The following DCAF8L2 variants were observed in gnomAD, a reference collection of about 807,000 sequenced individuals.
The protein encoded by DCAF8L2 is DDB1 and CUL4 associated factor 8 like 2, also known as DDB1- and CUL4-associated factor 8-like protein 2.
For missense variants in DCAF8L2, 430 were observed against 490.7 expected, an observed-to-expected ratio of 0.88 and a Z score of 1.17; for synonymous variants, 200 against 190.9, an observed-to-expected ratio of 1.05 and a Z score of -0.39.
At chrX:27,639,085 T>G (rs751523634) in intron 2 of DCAF8L2, among the ~76,000 whole-genome samples, 1 of 112,441 alleles carries the variant, frequency 8.9e-6, no homozygotes, top group South Asian at 3.7e-4. Flanking sequence ...TAATTACATA[T>G]GTACAATGGG....
the DCAF8L2 span, among the ~76,000 whole-genome samples, chrX:27,517,267 C>T: frequency 9.0e-6 from 1 of 111,551 alleles, no homozygotes; most frequent in African/African-American, 3.3e-5. Context: ...TCATTTTAAA[C>T]ACTGCCTGAT....
rs1434725173 is a variant in DCAF8L2 at position 27,749,110 on chromosome X, T to C, written c.*319T>C. ...ATAGTTGACCTCTAAATTTTCTGAA[T>C]TTTGCTGAAAGAATTAATACCCTTA... On this transcript the variant is annotated 3_prime_UTR_variant, in exon 5 of 5. Coordinates refer to ENST00000451261, the MANE Select transcript of DCAF8L2 (RefSeq NM_001353450.2). 9.0e-6 allele frequency among the ~76,000 whole-genome samples: 1 copy of C among 111,622 alleles called. No homozygotes were observed. Among genetic ancestry groups the C allele is most frequent in the African/African-American group, 3.3e-5 (1 of 30,706 alleles).
the DCAF8L2 span, among the ~76,000 whole-genome samples, chrX:27,574,389 A>G: frequency 1.5e-3 from 165 of 111,684 alleles, no homozygotes; most frequent in African/African-American, 4.9e-3. Flanking sequence ...TGTGTTTTAT[A>G]CAGTTTGCAA....
chrX:27,512,421 T>A, the DCAF8L2 span, among the ~76,000 whole-genome samples: 1 of 110,951 alleles, frequency 9.0e-6, no homozygotes, highest in East Asian at 2.8e-4. Flanking sequence ...TGACAGCTCA[T>A]GCCTGTAATC....
At chrX:27,477,943 A>G in the DCAF8L2 span, among the ~76,000 whole-genome samples, 18 of 111,442 alleles carry the variant, frequency 1.6e-4, no homozygotes, top group South Asian at 6.4e-3. Context: ...TTAGCTCATC[A>G]AGTAGGGATA....
chrX:27,622,230 C>T (rs956003024), intron 1 of DCAF8L2, among the ~76,000 whole-genome samples: 12 of 106,854 alleles, frequency 1.1e-4, no homozygotes, highest in African/African-American at 3.9e-4. Flanking sequence ...CGAGACCATC[C>T]TGGCTAACAC....
At chrX:27,573,847 TTC>T in the DCAF8L2 span, among the ~76,000 whole-genome samples, 6 of 107,722 alleles carry the variant, frequency 5.6e-5, no homozygotes, top group Non-Finnish European at 7.7e-5. Flanking sequence ...ATGCACTTCT[TTC>T]TCTCTCTCTC....
chrX:27,662,698 T>C (rs1360055807), intron 2 of DCAF8L2, among the ~76,000 whole-genome samples: 1 of 111,646 alleles, frequency 9.0e-6, no homozygotes, highest in African/African-American at 3.3e-5. Context: ...GAACTATTGT[T>C]TCAAAATAAA....
At chrX:27,538,894 C>T in the DCAF8L2 span, among the ~76,000 whole-genome samples, 5 of 112,417 alleles carry the variant, frequency 4.4e-5, no homozygotes, top group Non-Finnish European at 9.4e-5. Flanking sequence ...TTACATTTCA[C>T]ATTTTACTGG....
the DCAF8L2 span, among the ~76,000 whole-genome samples, chrX:27,496,484 C>T: frequency 5.4e-5 from 6 of 111,579 alleles, no homozygotes; most frequent in South Asian, 7.5e-4. Context: ...AATTCTTATA[C>T]AGGGAATTCA....
intron 4 of DCAF8L2, among the ~76,000 whole-genome samples, chrX:27,726,958 G>T (rs1473448958): frequency 9.0e-6 from 1 of 111,627 alleles, no homozygotes; most frequent in Non-Finnish European, 1.9e-5. Context: ...CAGGGGATCT[G>T]CATATCTGCA....
At chrX:27,550,371 T>C in the DCAF8L2 span, among the ~76,000 whole-genome samples, 1 of 111,303 alleles carries the variant, frequency 9.0e-6, no homozygotes, top group African/African-American at 3.3e-5. Context: ...GTCCATCACC[T>C]CAAACCTTGT....
intron 2 of DCAF8L2, among the ~76,000 whole-genome samples, chrX:27,666,439 A>G (rs1376810259): frequency 8.9e-6 from 1 of 111,973 alleles, no homozygotes; most frequent in East Asian, 2.8e-4. Flanking sequence ...TAACCTTCCA[A>G]GTAAACAGCT....
At chrX:27,743,548 A>G (rs1438621031) in intron 4 of DCAF8L2, among the ~76,000 whole-genome samples, 2 of 106,921 alleles carry the variant, frequency 1.9e-5, no homozygotes, top group Admixed American at 2.0e-4. Flanking sequence ...CATTCACGCC[A>G]CCACGACCGG....
At chrX:27,497,509 T>TTTCCTTCCTTCCTTCCTTCCTTCCTTCC in the DCAF8L2 span, among the ~76,000 whole-genome samples, 26 of 46,482 alleles carry the variant, frequency 5.6e-4, 1 homozygote, top group African/African-American at 2.3e-3. Flanking sequence ...TCTTTCTTTC[T>TTTCCTTCCTTCCTTCCTTCCTTCCTTCC]TTCCTTCCTT....
intron 4 of DCAF8L2, among the ~76,000 whole-genome samples, chrX:27,731,630 G>A (rs1018212376): frequency 6.4e-5 from 7 of 110,159 alleles, no homozygotes; most frequent in African/African-American, 2.3e-4. Context: ...CATCTGACTC[G>A]AATCACCTCC....
At chrX:27,476,296 T>C in the DCAF8L2 span, among the ~76,000 whole-genome samples, 15 of 110,605 alleles carry the variant, frequency 1.4e-4, no homozygotes, top group South Asian at 5.8e-3. Context: ...GAAATCTTAG[T>C]GAGAAATGGT....
intron 1 of DCAF8L2, among the ~76,000 whole-genome samples, chrX:27,607,124 A>T (rs987988209): frequency 8.9e-6 from 1 of 112,031 alleles, no homozygotes; most frequent in East Asian, 2.8e-4. Context: ...AACTTAAAAA[A>T]CATAGCCATG....
chrX:27,630,563 AAGAAG>A (rs952244412), intron 1 of DCAF8L2, among the ~76,000 whole-genome samples: 11 of 111,859 alleles, frequency 9.8e-5, no homozygotes, highest in South Asian at 3.7e-4. Context: ...AAGATATTAC[AAGAAG>A]AGAAAATTAA....
Sources: allele counts gnomAD v4.1 joint callset (sites outside exome capture counted in the v4.1 genomes callset), GRCh38; gene constraint gnomAD v4.1.1; transcripts MANE v1.5; gene names NCBI Gene and HGNC (gene_info 2026-07-23, HGNC 2026-07-21).